Variants in SNRNP70 observed in about 807,000 individuals in gnomAD.
SNRNP70 encodes the protein small nuclear ribonucleoprotein U1 subunit 70.
In SNRNP70, 8 loss-of-function variants were observed where a neutral mutation model predicts 50.5. The observed-to-expected ratio is 0.16, with a 90% CI of 0.09 to 0.29. The LOEUF (loss-of-function observed/expected upper bound fraction) is 0.29. Among genes scored for constraint, SNRNP70 ranks in the 10% least tolerant of loss-of-function variants. The pLI is 1.00. For missense variants in SNRNP70, 529 were observed against 663.5 expected, an observed-to-expected ratio of 0.80 and a Z score of 2.23; for synonymous variants, 320 against 252.9, an observed-to-expected ratio of 1.27 and a Z score of -2.52.
intron 4 of SNRNP70, among the ~76,000 whole-genome samples, chr19:49,097,174 A>ACAC (rs1026300717): frequency 3.3e-5 from 5 of 152,114 alleles, no homozygotes; most frequent in African/African-American, 9.6e-5. Context: ...GCTTCTGGCA[A>ACAC]CACCCACACT....
chr19:49,099,318 G>T (rs2040551777), intron 6 of SNRNP70, among the ~76,000 whole-genome samples: 1 of 152,186 alleles, frequency 6.6e-6, no homozygotes, highest in Admixed American at 6.5e-5. Flanking sequence ...GGGTGCAATG[G>T]CTCACACCTG....
intron 6 of SNRNP70, among the ~76,000 whole-genome samples, chr19:49,100,730 C>T (rs990271341): frequency 1.3e-5 from 2 of 150,676 alleles, no homozygotes; most frequent in African/African-American, 2.4e-5. Flanking sequence ...CGCTTGAACC[C>T]GGGAGGTGCA....
Position 49,108,473 on chromosome 19 carries a change from G to C in SNRNP70, c.*30G>C. 6.4e-7 allele frequency: 1 copy of C among 1,562,560 alleles called. No homozygotes were observed. Among genetic ancestry groups the C allele is most frequent in the Non-Finnish European group, 8.7e-7 (1 of 1,154,974 alleles). ...GTCGTCCTCTCCATCTGCTGTGTTTGGACGCGTTCCTGCCCAGCCCCTTGC... is the reference window on the plus strand; with the variant it reads ...GTCGTCCTCTCCATCTGCTGTGTTTCGACGCGTTCCTGCCCAGCCCCTTGC... On this transcript the variant is annotated 3_prime_UTR_variant, in exon 10 of 10. Transcript: ENST00000598441.
In SNRNP70 at chr19:49,107,315, G is replaced by A. The variant is rs1428606932; in HGVS notation, c.578-310G>A. Among the ~76,000 whole-genome samples, 1 of 152,254 alleles carries A rather than the reference G, an allele frequency of 6.6e-6. No homozygotes were observed. The highest frequency in any genetic ancestry group is 1.5e-5 in the Non-Finnish European group (1 of 68,048). On this transcript the variant is annotated intron_variant, in intron 8 of 9. Coordinates refer to ENST00000598441, the MANE Select transcript of SNRNP70 (RefSeq NM_003089.6). The surrounding 1 kb of genome is among the most constrained non-coding windows in gnomAD (Gnocchi z 6.0). Reference sequence around the variant, plus strand: ...ATTGGCTTCGGGTTTCTGTGAGGGCGAGGATGATTGGAAGGGAGGGTTTTG... The same window carrying A: ...ATTGGCTTCGGGTTTCTGTGAGGGCAAGGATGATTGGAAGGGAGGGTTTTG...
At chr19:49,101,159 C>T (rs2040579971) in intron 6 of SNRNP70, among the ~76,000 whole-genome samples, 1 of 152,174 alleles carries the variant, frequency 6.6e-6, no homozygotes, top group South Asian at 2.1e-4. Flanking sequence ...TCACTGTCTT[C>T]CTTCATCTCT....
chr19:49,099,235 T>C lies in SNRNP70; in HGVS notation c.393+531T>C, dbSNP rs151093649. On this transcript the variant is annotated intron_variant, in intron 6 of 9. Transcript: ENST00000598441. ...GCTTGAGGCCATCCTACACACAAAC[T>C]GATGTTAGCCATGTCTCTTCTCCCT... Among the ~76,000 whole-genome samples the C allele has an allele frequency of 1.3e-3, 196 of 152,302 alleles. 2 individuals are homozygous for C. The highest frequency in any genetic ancestry group is 4.3e-3 in the African/African-American group (178 of 41,568).
intron 6 of SNRNP70, among the ~76,000 whole-genome samples, chr19:49,099,780 C>T (rs1033096185): frequency 2.6e-5 from 4 of 151,690 alleles, no homozygotes; most frequent in Non-Finnish European, 2.9e-5. Context: ...TGGTAGCTCA[C>T]GCCTGTAATC....
chr19:49,105,383 G>A lies in SNRNP70; in HGVS notation c.577+648G>A, dbSNP rs145740772. ...GAATCATGGGCATCCTTTGGAGTTC[G>A]GAGGTATGTGATGTCCGTGGACCTG... On this transcript the variant is annotated intron_variant, in intron 8 of 9. Transcript: ENST00000598441. Among the ~76,000 whole-genome samples, 273 of 152,210 alleles carry A rather than the reference G, an allele frequency of 1.8e-3. 1 individual carries two copies. The highest frequency in any genetic ancestry group is 0.01 in the Middle Eastern group (3 of 294).
At position 49,104,952 on chromosome 19, in the gene SNRNP70, G is replaced by C. The variant is rs892807469; in HGVS notation, c.577+217G>C. The stretch of plus-strand genomic sequence containing the variant: ...TGAGGAGCAGGGGCACCAGCCTGGA[G>C]AGGCCTGAGCCCACATGCTGGCGTC... On this transcript the variant is annotated intron_variant, in intron 8 of 9. Coordinates refer to ENST00000598441, the MANE Select transcript of SNRNP70 (RefSeq NM_003089.6). The surrounding 1 kb of genome is among the most constrained non-coding windows in gnomAD (Gnocchi z 5.4). 5.3e-5 allele frequency among the ~76,000 whole-genome samples: 8 copies of C among 152,208 alleles called. No homozygotes were observed. The highest frequency in any genetic ancestry group is 1.9e-4 in the African/African-American group (8 of 41,452).
At chr19:49,105,734 A>AC (rs1381883365) in intron 8 of SNRNP70, among the ~76,000 whole-genome samples, 3 of 145,754 alleles carry the variant, frequency 2.1e-5, no homozygotes, top group African/African-American at 4.9e-5. Flanking sequence ...TGTCTCAAAA[A>AC]AAAAAACAAA....
chr19:49,085,752 G>C (rs1339590896), intron 1 of SNRNP70, 116 bp downstream of exon 1: 5 of 427,872 alleles, frequency 1.2e-5, no homozygotes, highest in African/African-American at 4.1e-5. Context: ...CCCCGCCACA[G>C]GTCCCTTCTG....
intron 4 of SNRNP70, 103 bp downstream of exon 4, chr19:49,090,623 G>T: frequency 9.2e-7 from 1 of 1,092,582 alleles, no homozygotes. Flanking sequence ...CCTGTGTTGT[G>T]GGGAACAGGG....
intron 6 of SNRNP70, among the ~76,000 whole-genome samples, chr19:49,099,268 T>G (rs2040551039): frequency 6.6e-6 from 1 of 152,186 alleles, no homozygotes; most frequent in South Asian, 2.1e-4. Context: ...CCTGCTCTGT[T>G]TCTGATACGT....
At chr19:49,101,046 C>A (rs1224342791) in intron 6 of SNRNP70, among the ~76,000 whole-genome samples, 1 of 152,184 alleles carries the variant, frequency 6.6e-6, no homozygotes, top group African/African-American at 2.4e-5. Context: ...GTCATCAGTA[C>A]ATGAGCCAGC....
Position 49,101,946 on chromosome 19 carries a change from C to T in SNRNP70, c.475+475C>T, listed in dbSNP as rs892593055. On this transcript the variant is annotated intron_variant, in intron 7 of 9. Transcript: ENST00000598441. ...CCTGGCCCCCCACCCTGTTCCTCAG[C>T]GGGCAGTGGGGTGATAGGCATGTTG... 4.9e-5 allele frequency among the ~76,000 whole-genome samples: 7 copies of T among 143,700 alleles called. No homozygotes were observed. In the East Asian group the frequency reaches 1.3e-3, roughly 27 times the overall value. 94.3% of individuals were successfully genotyped at this position (143,700 alleles called of 152,430 possible).
intron 1 of SNRNP70, 71 bp downstream of exon 1, chr19:49,085,707 G>T (rs1225919084): frequency 4.4e-6 from 2 of 450,666 alleles, no homozygotes; most frequent in Non-Finnish European, 8.9e-6. Context: ...GGTGGGCCCG[G>T]TCCTCTTCCC....
intron 4 of SNRNP70, among the ~76,000 whole-genome samples, chr19:49,093,602 C>T (rs562511153): frequency 7.1e-6 from 1 of 141,796 alleles, no homozygotes; most frequent in Admixed American, 7.4e-5. Flanking sequence ...TCCTTTGAAC[C>T]TGGGAGGCGG....
At position 49,108,009 on chromosome 19, in the gene SNRNP70, C is replaced by T. The variant is rs765399480; in HGVS notation, c.880C>T (p.Arg294Trp). 15 of 1,547,996 alleles carry T rather than the reference C, an allele frequency of 9.7e-6. No homozygotes were observed. The highest frequency in any genetic ancestry group is 1.3e-5 in the Non-Finnish European group (15 of 1,146,260). Residue 294 changes from arginine (R) to tryptophan (W), a missense_variant, in exon 10 of 10, where the codon CGG becomes TGG. Arg to Trp is a moderately radical substitution (Grantham distance 101). Coordinates refer to ENST00000598441, the MANE Select transcript of SNRNP70 (RefSeq NM_003089.6). ...CCGGGACCGGAAGCGGCGAAGCAGC[C>T]GGAGTCGGGAGCGGGCCCGGCGGGA... ...KDRDRKRRSS[R>W]SRERARRERE...
At chr19:49,086,095 G>C (rs538363679) in intron 1 of SNRNP70, among the ~76,000 whole-genome samples, 3 of 152,220 alleles carry the variant, frequency 2.0e-5, no homozygotes, top group African/African-American at 7.2e-5. Flanking sequence ...CCCTCCTCGG[G>C]TCCTTGATTT....
Sources: allele counts gnomAD v4.1 joint callset (sites outside exome capture counted in the v4.1 genomes callset), GRCh38; gene constraint gnomAD v4.1.1; non-coding constraint Gnocchi (gnomAD v3.1); transcripts MANE v1.5; gene names NCBI Gene and HGNC (gene_info 2026-07-23, HGNC 2026-07-21).